DYM: variants seen among roughly 807,000 people sequenced by gnomAD.
The protein encoded by DYM is dyggve-Melchior-Clausen syndrome protein.
In DYM, 78 loss-of-function variants were observed where a neutral mutation model predicts 93.1. The observed-to-expected ratio is 0.84, with a 90% CI of 0.70 to 1.01. The LOEUF (loss-of-function observed/expected upper bound fraction) is 1.01. Among genes scored for constraint, DYM ranks in the 50% least tolerant of loss-of-function variants. The pLI is 0.00. For missense variants in DYM, 789 were observed against 845.0 expected, an observed-to-expected ratio of 0.93 and a Z score of 0.82; for synonymous variants, 321 against 319.7, an observed-to-expected ratio of 1.00 and a Z score of -0.04.
intron 1 of DYM, among the ~76,000 whole-genome samples, chr18:49,434,965 T>G (rs2080691684): frequency 6.6e-6 from 1 of 152,184 alleles, no homozygotes. Flanking sequence ...CCCAGCACTT[T>G]AGGAAGCCAA....
At chr18:49,135,203 A>G (rs2083725506) in intron 15 of DYM, among the ~76,000 whole-genome samples, 1 of 152,230 alleles carries the variant, frequency 6.6e-6, no homozygotes, top group African/African-American at 2.4e-5. Flanking sequence ...CCACTTGGAA[A>G]TAATACTGCA....
intron 14 of DYM, among the ~76,000 whole-genome samples, chr18:49,174,030 G>GT: frequency 6.6e-6 from 1 of 152,108 alleles, no homozygotes; most frequent in East Asian, 1.9e-4. Flanking sequence ...TCTATTCCTT[G>GT]TTATGTGAAA....
intron 14 of DYM, among the ~76,000 whole-genome samples, chr18:49,164,228 G>A (rs1260387669): frequency 6.6e-6 from 1 of 151,930 alleles, no homozygotes; most frequent in African/African-American, 2.4e-5. Flanking sequence ...CTGTATTATA[G>A]CTTTATTTCT....
At chr18:49,111,742 T>A (rs1343238728) in intron 16 of DYM, among the ~76,000 whole-genome samples, 1 of 152,150 alleles carries the variant, frequency 6.6e-6, no homozygotes, top group Non-Finnish European at 1.5e-5. Context: ...ATGCCCTTGA[T>A]CTTTCCCAGC....
In DYM at chr18:49,417,160, T is replaced by G. The variant is rs370729735; in HGVS notation, c.140+13095A>C. On this transcript the variant is annotated intron_variant, in intron 2 of 17. Coordinates refer to ENST00000675505, the MANE Select transcript of DYM (RefSeq NM_001353214.3). ...GGTAGCGGTGGTGTTGGTGGTGGTG[T>G]TGTTTGAGACAGGGTCTTGTTCTGT... Among the ~76,000 whole-genome samples the G allele has an allele frequency of 4.5e-4, 69 of 152,252 alleles. 1 individual carries two copies. The South Asian group carries it at 0.013, about 30-fold the overall frequency.
chr18:49,299,489 A>G (rs1434790608), intron 8 of DYM, among the ~76,000 whole-genome samples: 2 of 152,096 alleles, frequency 1.3e-5, no homozygotes, highest in Admixed American at 6.5e-5. Flanking sequence ...CCTGTTCCTA[A>G]AACAGTTCCT....
intron 2 of DYM, among the ~76,000 whole-genome samples, chr18:49,407,146 A>G (rs969984319): frequency 6.6e-6 from 1 of 152,214 alleles, no homozygotes; most frequent in Admixed American, 6.5e-5. Flanking sequence ...GCTGAAATAA[A>G]ACTACAGAAA....
At chr18:49,082,392 TTA>T (rs1408827930) in intron 17 of DYM, among the ~76,000 whole-genome samples, 3 of 152,238 alleles carry the variant, frequency 2.0e-5, no homozygotes, top group African/African-American at 4.8e-5. Context: ...GTAGGGTGTA[TTA>T]TCTGGTAGGG....
At chr18:49,140,209 C>G (rs1600080071) in intron 15 of DYM, among the ~76,000 whole-genome samples, 1 of 152,190 alleles carries the variant, frequency 6.6e-6, no homozygotes, top group East Asian at 1.9e-4. Context: ...CACACACATA[C>G]ACACACACAG....
intron 8 of DYM, among the ~76,000 whole-genome samples, chr18:49,288,307 A>G (rs530291647): frequency 4.9e-4 from 74 of 152,310 alleles, no homozygotes; most frequent in Admixed American, 8.5e-4. Context: ...TCAATAAATA[A>G]TTAGAAAATA....
At chr18:49,331,645 T>A (rs965649343) in intron 8 of DYM, among the ~76,000 whole-genome samples, 2 of 152,270 alleles carry the variant, frequency 1.3e-5, no homozygotes, top group East Asian at 1.9e-4. Context: ...TGAAAAACGA[T>A]GTTTTGTAGG....
chr18:49,125,322 T>G (rs2082712083), intron 15 of DYM, among the ~76,000 whole-genome samples: 1 of 152,170 alleles, frequency 6.6e-6, no homozygotes, highest in Non-Finnish European at 1.5e-5. Flanking sequence ...ACAGAAAGAA[T>G]AGTTTCCTTT....
chr18:49,242,356 C>A (rs138909034), intron 13 of DYM, among the ~76,000 whole-genome samples: 17 of 152,202 alleles, frequency 1.1e-4, no homozygotes, highest in Non-Finnish European at 1.6e-4. Flanking sequence ...GGAGGTTGCA[C>A]TGAGTGGGAA....
chr18:49,272,554 A>C (rs2094733460), intron 10 of DYM, among the ~76,000 whole-genome samples: 1 of 152,158 alleles, frequency 6.6e-6, no homozygotes, highest in Non-Finnish European at 1.5e-5. Context: ...TTGGATCTGC[A>C]AGGACCATTT....
chr18:49,200,718 T>C (rs2145879588), intron 14 of DYM, among the ~76,000 whole-genome samples: 1 of 152,268 alleles, frequency 6.6e-6, no homozygotes, highest in African/African-American at 2.4e-5. Flanking sequence ...TAGAATCCAC[T>C]ATCTTCATTA....
At position 49,166,986 on chromosome 18, in the gene DYM, TTCCGTGTGTG is replaced by T. The variant is rs1481061873; in HGVS notation, c.1626-3209_1626-3200del. On this transcript the variant is annotated intron_variant, in intron 14 of 17. Coordinates refer to ENST00000675505, the MANE Select transcript of DYM (RefSeq NM_001353214.3). ...CAAACCTGGGATGTTCATTCTCACA[TTCCGTGTGTG>T]TGTGTGTGTGTGTGTGTGTGTGTGT... is the stretch of plus-strand genomic sequence containing the variant. Among the ~76,000 whole-genome samples, 32 of 107,326 alleles carry T rather than the reference TTCCGTGTGTG, an allele frequency of 3.0e-4. No homozygotes were observed. In the South Asian group the frequency reaches 5.0e-3, roughly 17 times the overall value. The allele number at this position is 107,326 out of a possible 152,430, so 70.4% of individuals were successfully genotyped here. A position where few individuals can be genotyped will look rare whatever the true frequency, so the allele number is the denominator to read the frequency against.
intron 15 of DYM, among the ~76,000 whole-genome samples, chr18:49,149,599 T>A (rs1274785177): frequency 2.6e-5 from 4 of 152,090 alleles, no homozygotes; most frequent in African/African-American, 7.2e-5. Flanking sequence ...GAGCAGAGAT[T>A]TTTTATTGTC....
chr18:49,243,723 A>C (rs1471000322), intron 13 of DYM, among the ~76,000 whole-genome samples: 1 of 151,688 alleles, frequency 6.6e-6, no homozygotes, highest in Non-Finnish European at 1.5e-5. Flanking sequence ...CAGTCTCTTT[A>C]GTTTCTCAGA....
At chr18:49,121,975 C>T (rs976794690) in intron 15 of DYM, among the ~76,000 whole-genome samples, 4 of 151,900 alleles carry the variant, frequency 2.6e-5, no homozygotes, top group African/African-American at 4.8e-5. Flanking sequence ...ACAAGGGAAG[C>T]GAGATATTTT....
Sources: allele counts gnomAD v4.1 joint callset (sites outside exome capture counted in the v4.1 genomes callset), GRCh38; gene constraint gnomAD v4.1.1; transcripts MANE v1.5; gene names NCBI Gene and HGNC (gene_info 2026-07-23, HGNC 2026-07-21).